Variants in SUSD6 observed in about 807,000 individuals in gnomAD.
The protein encoded by SUSD6 is sushi domain containing 6.
Under a neutral mutation model 28.4 loss-of-function variants are expected in SUSD6, and 16 were observed. That is an observed-to-expected ratio of 0.56 (90% CI 0.38 to 0.86). The LOEUF is 0.86. SUSD6 is among the 40% of genes least tolerant of loss of function. SUSD6 has a pLI of 0.00. For missense variants in SUSD6, 341 were observed against 384.2 expected (o/e 0.89, Z 0.94); for synonymous variants, 147 against 159.6 (o/e 0.92, Z 0.59).
At chr14:69,680,403 A>G (rs1885981306) in intron 2 of SUSD6, among the ~76,000 whole-genome samples, 1 of 152,086 alleles carries the variant, frequency 6.6e-6, no homozygotes. Flanking sequence ...AGGCCCCATC[A>G]TCTCTCACCA....
At chr14:69,659,544 G>A (rs1237528181) in intron 2 of SUSD6, among the ~76,000 whole-genome samples, 1 of 152,118 alleles carries the variant, frequency 6.6e-6, no homozygotes, top group Non-Finnish European at 1.5e-5. Flanking sequence ...TTTTCAGAGA[G>A]TCTCACCCTG....
At chr14:69,689,005 C>A (rs1374818199) in intron 2 of SUSD6, among the ~76,000 whole-genome samples, 1 of 152,188 alleles carries the variant, frequency 6.6e-6, no homozygotes, top group Non-Finnish European at 1.5e-5. Context: ...TTGCTAACTT[C>A]TCCGTACACA....
At chr14:69,619,942 G>C (rs8010868) in intron 1 of SUSD6, among the ~76,000 whole-genome samples, 1 of 152,190 alleles carries the variant, frequency 6.6e-6, no homozygotes, top group Admixed American at 6.5e-5. Context: ...CCTAAATGCA[G>C]CGTGAACACA....
At chr14:69,660,574 G>A (rs1885647883) in intron 2 of SUSD6, among the ~76,000 whole-genome samples, 1 of 152,254 alleles carries the variant, frequency 6.6e-6, no homozygotes, top group Non-Finnish European at 1.5e-5. Flanking sequence ...CTCTAGAAGT[G>A]CTAGTTGCAG....
chr14:69,702,582 A>G (rs954672734), intron 2 of SUSD6, among the ~76,000 whole-genome samples: 6 of 152,200 alleles, frequency 3.9e-5, no homozygotes, highest in Admixed American at 3.3e-4. Context: ...CATGCAGCTC[A>G]TGGGGTAGAA....
chr14:69,699,013 A>G (rs1191767969), intron 2 of SUSD6, among the ~76,000 whole-genome samples: 2 of 152,196 alleles, frequency 1.3e-5, no homozygotes, highest in Non-Finnish European at 2.9e-5. Context: ...CCTGGTGCAC[A>G]GATCAAGACA....
At chr14:69,650,192 G>T (rs1295826) in intron 1 of SUSD6, among the ~76,000 whole-genome samples, 13,181 of 152,146 alleles carry the variant, frequency 0.087, 775 homozygotes, top group East Asian at 0.12. Context: ...TTCCAAACCA[G>T]CTGAAACAGT....
At chr14:69,675,095 A>G (rs563014525) in intron 2 of SUSD6, among the ~76,000 whole-genome samples, 2 of 149,488 alleles carry the variant, frequency 1.3e-5, no homozygotes, top group Non-Finnish European at 3.0e-5. Context: ...CAGCTTTTTC[A>G]TTTACTGGAA....
At position 69,675,789 on chromosome 14, in the gene SUSD6, G is replaced by A. The variant is rs142254547; in HGVS notation, c.121+17076G>A. Among the ~76,000 whole-genome samples, 52 of 152,194 alleles carry A rather than the reference G, an allele frequency of 3.4e-4. 3 individuals carry two copies. The East Asian group carries it at 9.8e-3, about 29-fold the overall frequency. Reference sequence around the variant, plus strand: ...AATCAAATACTTTTTGTTTATTATTGTTATTATTTTTAGAGATGAGGTTTC... The same window carrying A: ...AATCAAATACTTTTTGTTTATTATTATTATTATTTTTAGAGATGAGGTTTC... On this transcript the variant is annotated intron_variant, in intron 2 of 5. Coordinates refer to ENST00000342745, the MANE Select transcript of SUSD6 (RefSeq NM_014734.4).
chr14:69,623,574 C>CA (rs949491861), intron 1 of SUSD6, among the ~76,000 whole-genome samples: 3 of 152,080 alleles, frequency 2.0e-5, no homozygotes, highest in East Asian at 1.9e-4. Flanking sequence ...AAAAACTCCC[C>CA]AAAAAAACAG....
chr14:69,708,849 G>A lies in SUSD6; in HGVS notation c.631G>A (p.Val211Met), dbSNP rs201348116. Residue 211 changes from valine (V) to methionine (M), a missense_variant, in exon 5 of 6, where the codon GTG becomes ATG. Transcript: ENST00000342745. ...AGGGTCTGGGCCCAGTGGGAGGAGC[G>A]TGCCAAGGGAGCAACAGCTGCCGGA... ...SEGSGPSGRS[V>M]PREQQLPDQG... 5.6e-6 allele frequency: 9 copies of A among 1,614,018 alleles called. No individual in the cohort carries two copies. Among genetic ancestry groups the A allele is most frequent in the Non-Finnish European group, 5.9e-6 (7 of 1,180,024 alleles).
intron 1 of SUSD6, among the ~76,000 whole-genome samples, chr14:69,654,947 A>G (rs1595043894): frequency 6.6e-6 from 1 of 151,352 alleles, no homozygotes; most frequent in Non-Finnish European, 1.5e-5. Context: ...GGTGCCCGCC[A>G]CCACACCTGG....
chr14:69,626,866 G>GT (rs60999438), intron 1 of SUSD6, among the ~76,000 whole-genome samples: 5,840 of 147,260 alleles, frequency 0.04, 391 homozygotes, highest in African/African-American at 0.14. Context: ...AAAAAAACGT[G>GT]TTTTTTTTTT....
chr14:69,703,431 A>G lies in SUSD6; in HGVS notation c.158A>G (p.Tyr53Cys). The G allele has an allele frequency of 6.2e-7, 1 of 1,614,016 alleles. No homozygotes were observed. The highest frequency in any genetic ancestry group is 8.5e-7 in the Non-Finnish European group (1 of 1,179,948). Residue 53 changes from tyrosine to cysteine, a missense_variant, in exon 3 of 6, where the codon TAC (tyrosine) becomes TGC (cysteine). Coordinates refer to ENST00000342745, the MANE Select transcript of SUSD6 (RefSeq NM_014734.4). ...CCACCGGAGCCAGAGAATGGTGGCT[A>G]CATCTGCCACCCCCGGCCCTGCAGA... is the stretch of plus-strand genomic sequence containing the variant. ...PLPPEPENGGYICHPRPCRDP... is the reference protein window; with the variant it reads ...PLPPEPENGGCICHPRPCRDP...
chr14:69,634,598 G>A (rs1307978802), intron 1 of SUSD6, among the ~76,000 whole-genome samples: 1 of 152,216 alleles, frequency 6.6e-6, no homozygotes, highest in African/African-American at 2.4e-5. Flanking sequence ...GTTTCAGCCA[G>A]CTAAATTCCC....
chr14:69,669,612 A>G (rs1187430561), intron 2 of SUSD6, among the ~76,000 whole-genome samples: 6 of 152,150 alleles, frequency 3.9e-5, no homozygotes, highest in Non-Finnish European at 8.8e-5. Context: ...AGGCTAAGGG[A>G]CAACTCCTTC....
rs1480874502 is a variant in SUSD6, at chr14:69,622,445, G to A, written c.-81+10617G>A. 2.0e-5 allele frequency among the ~76,000 whole-genome samples: 3 copies of A among 152,150 alleles called. No individual in the cohort carries two copies. In the East Asian group the frequency reaches 5.8e-4, roughly 29 times the overall value. On this transcript the variant is annotated intron_variant, in intron 1 of 5. Coordinates refer to ENST00000342745, the MANE Select transcript of SUSD6 (RefSeq NM_014734.4). ...AGCCTCCCAAAGTGCCGGGATTACA[G>A]GCATGAGCTACCACCCCGGCCCAGT...
chr14:69,622,190 G>C (rs747097381), intron 1 of SUSD6, among the ~76,000 whole-genome samples: 17 of 152,070 alleles, frequency 1.1e-4, no homozygotes, highest in East Asian at 5.8e-4. Context: ...TTTGAAACAG[G>C]GTCTTGTTCT....
At chr14:69,652,917 T>C (rs1885524941) in intron 1 of SUSD6, among the ~76,000 whole-genome samples, 2 of 152,224 alleles carry the variant, frequency 1.3e-5, no homozygotes, top group Admixed American at 6.5e-5. Flanking sequence ...CTGTCTTGGC[T>C]TCTGGCTAAG....
Sources: allele counts gnomAD v4.1 joint callset (sites outside exome capture counted in the v4.1 genomes callset), GRCh38; gene constraint gnomAD v4.1.1; transcripts MANE v1.5; gene names NCBI Gene and HGNC (gene_info 2026-07-23, HGNC 2026-07-21).